PCSK5: variants seen among roughly 807,000 people sequenced by gnomAD.
PCSK5 encodes the protein proprotein convertase subtilisin/kexin type 5.
In PCSK5, 129 loss-of-function variants were observed where a neutral mutation model predicts 233.2. The observed-to-expected ratio is 0.55, with a 90% CI of 0.48 to 0.64. The LOEUF (loss-of-function observed/expected upper bound fraction) is 0.64. Ranked by LOEUF, PCSK5 falls within the 30% of genes least tolerant of loss-of-function variation. The pLI is 0.00. For synonymous variants in PCSK5, 825 were observed against 879.2 expected (o/e 0.94, Z 1.09); for missense variants, 2,076 against 2,430.1 (o/e 0.85, Z 3.06).
At chr9:76,342,214 A>G (rs1792479572) in intron 35 of PCSK5, among the ~76,000 whole-genome samples, 1 of 152,162 alleles carries the variant, frequency 6.6e-6, no homozygotes, top group Admixed American at 6.5e-5. Flanking sequence ...TTTTTAATGC[A>G]TATGTGTCAC....
In PCSK5 at chr9:76,256,595, AT is replaced by A. The variant is rs1425854621; in HGVS notation, c.3142+15912del. Among the ~76,000 whole-genome samples, 29 of 152,342 alleles carry A rather than the reference AT, an allele frequency of 1.9e-4. No individual in the cohort carries two copies. The Middle Eastern group carries it at 0.01, about 54-fold the overall frequency. Reference sequence around the variant, plus strand: ...GAATGATTCTGCATGATTAGGAATAATAACCTGGAAAATCATTGCCAAATTA... The same window carrying A: ...GAATGATTCTGCATGATTAGGAATAAAACCTGGAAAATCATTGCCAAATTA... On this transcript the variant is annotated intron_variant, in intron 24 of 37. Transcript: ENST00000674117.
chr9:76,051,529 C>T (rs148742906), intron 5 of PCSK5, among the ~76,000 whole-genome samples: 2,326 of 152,150 alleles, frequency 0.015, 35 homozygotes, highest in Middle Eastern at 0.027. Context: ...CAGTTCATTA[C>T]TTGAAAGTGT....
At chr9:76,006,528 T>C (rs1006620711) in intron 3 of PCSK5, among the ~76,000 whole-genome samples, 1 of 152,212 alleles carries the variant, frequency 6.6e-6, no homozygotes, top group Non-Finnish European at 1.5e-5. Context: ...TGAGTCTACC[T>C]ATGGAACAAT....
At chr9:76,032,263 T>C (rs1422741322) in intron 5 of PCSK5, among the ~76,000 whole-genome samples, 1 of 152,220 alleles carries the variant, frequency 6.6e-6, no homozygotes, top group Non-Finnish European at 1.5e-5. Context: ...TGTTTATTCA[T>C]TCAAGCAGTA....
chr9:76,115,639 C>G (rs572605844), intron 9 of PCSK5, among the ~76,000 whole-genome samples: 1 of 152,106 alleles, frequency 6.6e-6, no homozygotes, highest in Non-Finnish European at 1.5e-5. Context: ...ATTTTTCTTG[C>G]TAAGAAAAAG....
At chr9:76,227,871 C>A (rs1258731063) in intron 21 of PCSK5, among the ~76,000 whole-genome samples, 2 of 152,112 alleles carry the variant, frequency 1.3e-5, no homozygotes, top group Non-Finnish European at 2.9e-5. Context: ...CCTTTGATGC[C>A]TGAAATCTCA....
At chr9:75,984,217 C>T (rs6560480) in intron 2 of PCSK5, among the ~76,000 whole-genome samples, 103,438 of 152,060 alleles carry the variant, frequency 0.68, 36,144 homozygotes, top group East Asian at 0.82. Context: ...TTCTCACATA[C>T]TTATTTCATT....
chr9:76,300,320 C>A (rs1445085230), intron 27 of PCSK5, among the ~76,000 whole-genome samples: 2 of 152,140 alleles, frequency 1.3e-5, no homozygotes, highest in Non-Finnish European at 2.9e-5. Flanking sequence ...AATGAGTACA[C>A]CATTTTTAGT....
At chr9:75,986,278 A>G (rs1826510576) in intron 3 of PCSK5, 33 bp downstream of exon 3, 9 of 1,248,934 alleles carry the variant, frequency 7.2e-6, no homozygotes, top group Non-Finnish European at 9.4e-6. Context: ...GCCTAGGGCC[A>G]TGTCATCCGG....
At position 75,927,806 on chromosome 9, in the gene PCSK5, C is replaced by T. The variant is rs1028373641; in HGVS notation, c.193-4573C>T. Among the ~76,000 whole-genome samples, 5 of 152,244 alleles carry T rather than the reference C, an allele frequency of 3.3e-5. No individual in the cohort carries two copies. The East Asian group carries it at 7.7e-4, about 24-fold the overall frequency. ...AGAAAAAAAAGTAAACCAAAAACTT[C>T]GGTGATTATTTTTTGAAATTACAGG... On this transcript the variant is annotated intron_variant, in intron 1 of 37. Coordinates refer to ENST00000674117, the MANE Select transcript of PCSK5 (RefSeq NM_001372043.1).
chr9:76,104,818 T>C (rs1831911329), intron 8 of PCSK5, among the ~76,000 whole-genome samples: 1 of 127,110 alleles, frequency 7.9e-6, no homozygotes, highest in African/African-American at 3.1e-5. Flanking sequence ...AAATAAAACT[T>C]GGACAAAGGA....
At chr9:76,158,560 C>G (rs1431739342) in intron 11 of PCSK5, among the ~76,000 whole-genome samples, 2 of 152,176 alleles carry the variant, frequency 1.3e-5, no homozygotes, top group Non-Finnish European at 2.9e-5. Context: ...TGCTAATCCC[C>G]AAGCCTCCAC....
intron 2 of PCSK5, among the ~76,000 whole-genome samples, chr9:75,976,532 G>A (rs914678625): frequency 1.2e-4 from 18 of 151,484 alleles, no homozygotes; most frequent in Admixed American, 7.9e-4. Context: ...TTTTGGGAGC[G>A]ACATCATCAA....
intron 20 of PCSK5, among the ~76,000 whole-genome samples, chr9:76,221,596 C>T (rs1825728756): frequency 6.6e-6 from 1 of 152,166 alleles, no homozygotes; most frequent in African/African-American, 2.4e-5. Flanking sequence ...TGTATGATTG[C>T]TACATCACTA....
chr9:76,350,925 A>T lies in PCSK5; in HGVS notation c.5064A>T (p.Gly1688=). 1 of 1,555,270 alleles carries T rather than the reference A, an allele frequency of 6.4e-7. No homozygotes were observed. Among genetic ancestry groups the T allele is most frequent in the Admixed American group, 1.7e-5 (1 of 58,454 alleles). The change falls in exon 36 of 38, where the codon GGA becomes GGT. Residue 1688 remains glycine (G), a synonymous_variant. Coordinates refer to ENST00000674117, the MANE Select transcript of PCSK5 (RefSeq NM_001372043.1). ...GTCTTGTGGGGGAATACAGAGTGGG[A>T]GAGGTATGGAGGGCTGGGGGTCCTG... is the stretch of plus-strand genomic sequence containing the variant. ...SDCLVGEYRV[G]EGEKFNCEKC...
chr9:76,016,647 G>C (rs912588539), intron 3 of PCSK5, among the ~76,000 whole-genome samples: 7 of 152,200 alleles, frequency 4.6e-5, no homozygotes, highest in Non-Finnish European at 8.8e-5. Flanking sequence ...GACTTGTAAA[G>C]ATTCCTTAAA....
chr9:76,082,851 A>G (rs533589124), intron 7 of PCSK5, among the ~76,000 whole-genome samples: 1 of 152,268 alleles, frequency 6.6e-6, no homozygotes, highest in South Asian at 2.1e-4. Context: ...TTGAAATGGT[A>G]TCTTTTTCAT....
chr9:75,975,985 G>C (rs749325809), intron 2 of PCSK5, among the ~76,000 whole-genome samples: 4 of 152,138 alleles, frequency 2.6e-5, no homozygotes, highest in African/African-American at 9.6e-5. Context: ...TTAATCAAAT[G>C]GTATGAATTT....
chr9:75,931,357 G>A (rs1823787844), intron 1 of PCSK5, among the ~76,000 whole-genome samples: 1 of 151,712 alleles, frequency 6.6e-6, no homozygotes, highest in Non-Finnish European at 1.5e-5. Flanking sequence ...TGGATGTCCT[G>A]GAGAAATAGC....
Sources: gnomAD v4.1 joint callset for allele counts (sites outside exome capture counted in the v4.1 genomes callset) on GRCh38, gnomAD v4.1.1 for gene constraint, MANE v1.5 for transcripts, NCBI Gene and HGNC (gene_info 2026-07-23, HGNC 2026-07-21) for gene names.